The following ZNF567 variants were observed in gnomAD, a reference collection of about 807,000 sequenced individuals.
ZNF567 encodes zinc finger protein 567.
ZNF567 carries 36 observed loss-of-function variants against 53.9 expected under a neutral mutation model. The observed-to-expected ratio is 0.67, with a 90% CI of 0.51 to 0.88. ZNF567 has a LOEUF of 0.88. ZNF567 is among the 40% of genes least tolerant of loss of function. The probability of loss-of-function intolerance (pLI) is 0.00; values close to 1 mark genes in which losing one functional copy is unlikely to be tolerated. For synonymous variants in ZNF567, 224 were observed against 260.4 expected (o/e 0.86, Z 1.35); for missense variants, 619 against 764.7 (o/e 0.81, Z 2.25).
chr19:36,702,013 T>A (rs1490824030), intron 3 of ZNF567, among the ~76,000 whole-genome samples: 2 of 152,156 alleles, frequency 1.3e-5, no homozygotes, highest in African/African-American at 4.8e-5. Context: ...AGTTTCTTCC[T>A]AGTCTCGATG....
At chr19:36,667,613 C>CAAA in the ZNF567 span, among the ~76,000 whole-genome samples, 287 of 149,116 alleles carry the variant, frequency 1.9e-3, no homozygotes, top group African/African-American at 5.9e-3. Context: ...ACAACAACAA[C>CAAA]AAAAAACTGT....
At chr19:36,707,616 C>G (rs147470884) in intron 3 of ZNF567, among the ~76,000 whole-genome samples, 3 of 152,036 alleles carry the variant, frequency 2.0e-5, no homozygotes, top group South Asian at 4.1e-4. Context: ...TTACTCTTGT[C>G]GCTCAGGCTA....
At chr19:36,679,742 G>A in the ZNF567 span, among the ~76,000 whole-genome samples, 1,567 of 152,024 alleles carry the variant, frequency 0.01, 33 homozygotes, top group African/African-American at 0.035. Flanking sequence ...GACAAATACT[G>A]TATGATCTCA....
At chr19:36,701,718 G>A (rs1395574721) in intron 3 of ZNF567, among the ~76,000 whole-genome samples, 1 of 147,806 alleles carries the variant, frequency 6.8e-6, no homozygotes, top group Non-Finnish European at 1.5e-5. Flanking sequence ...TTGGTTTAAA[G>A]TCTGTTTTAT....
intron 1 of ZNF567, among the ~76,000 whole-genome samples, chr19:36,688,947 A>C (rs906414676): frequency 1.3e-5 from 2 of 152,136 alleles, no homozygotes; most frequent in African/African-American, 2.4e-5. Context: ...AAAAATATAA[A>C]AATTAGCTGG....
At chr19:36,668,682 T>C in the ZNF567 span, 2 of 152,292 alleles carry the variant, frequency 1.3e-5, no homozygotes, top group African/African-American at 4.8e-5. Flanking sequence ...TGGCACATGT[T>C]ATCTGCCAGA....
the ZNF567 span, among the ~76,000 whole-genome samples, chr19:36,673,282 G>T: frequency 1.3e-5 from 2 of 152,170 alleles, no homozygotes; most frequent in Non-Finnish European, 1.5e-5. Flanking sequence ...ATGCTTATGG[G>T]TACCAAGTCG....
Position 36,712,514 on chromosome 19 carries a change from TAAGAAA to T in ZNF567, c.136+5_136+10del. ...ACTATTGCCACCTCATCTCTGTGGG[TAAGAAA>T]AATCCTCTTTGAAACTTTAGTAGCA... On this transcript the variant is annotated splice_donor_5th_base_variant and intron_variant, in intron 4 of 5. Coordinates refer to ENST00000682579, the MANE Select transcript of ZNF567 (RefSeq NM_001322917.1). 6.2e-7 allele frequency: 1 copy of T among 1,614,092 alleles called. No individual in the cohort carries two copies.
downstream of ZNF567, among the ~76,000 whole-genome samples, chr19:36,721,749 T>TTTC (rs2040305443): frequency 7.2e-6 from 1 of 139,088 alleles, no homozygotes; most frequent in African/African-American, 2.9e-5. Context: ...TTTTTCTTTT[T>TTTC]TTTTTTTTTT....
intron 3 of ZNF567, among the ~76,000 whole-genome samples, chr19:36,704,679 A>T (rs978636096): frequency 6.6e-6 from 1 of 152,126 alleles, no homozygotes; most frequent in African/African-American, 2.4e-5. Flanking sequence ...TCTAATGTAT[A>T]GTTTTTCTGT....
chr19:36,680,755 G>GCCATTCCTTGA, the ZNF567 span, among the ~76,000 whole-genome samples: 2 of 152,156 alleles, frequency 1.3e-5, no homozygotes, highest in African/African-American at 4.8e-5. Flanking sequence ...GGTGGCTGTA[G>GCCATTCCTTGA]CCATTCCTTG....
intron 5 of ZNF567, among the ~76,000 whole-genome samples, chr19:36,718,199 T>G (rs1033697953): frequency 2.0e-5 from 3 of 152,094 alleles, no homozygotes; most frequent in African/African-American, 7.2e-5. Flanking sequence ...GGGATGTGTG[T>G]ATAAAAGTAT....
At chr19:36,723,397 G>T, downstream of ZNF567, 1 of 601,988 alleles carries the variant, frequency 1.7e-6, no homozygotes, top group East Asian at 2.8e-5. Flanking sequence ...TCATGAAATA[G>T]CCATGTACTG....
the ZNF567 span, among the ~76,000 whole-genome samples, chr19:36,681,479 G>A: frequency 2.6e-5 from 4 of 152,144 alleles, no homozygotes; most frequent in Non-Finnish European, 5.9e-5. Context: ...GCCCAGGCTG[G>A]AGTGCAGTGG....
At chr19:36,710,954 A>G (rs919905718) in intron 3 of ZNF567, among the ~76,000 whole-genome samples, 3 of 152,144 alleles carry the variant, frequency 2.0e-5, no homozygotes, top group Admixed American at 6.6e-5. Flanking sequence ...TGATCTCTCC[A>G]ACACATGCAT....
the ZNF567 span, among the ~76,000 whole-genome samples, chr19:36,682,085 G>A: frequency 3.3e-5 from 5 of 152,062 alleles, no homozygotes; most frequent in East Asian, 5.8e-4. Context: ...AGATCAGCCC[G>A]GGGAACATAG....
chr19:36,722,077 A>ATG, downstream of ZNF567, among the ~76,000 whole-genome samples: 2 of 152,156 alleles, frequency 1.3e-5, no homozygotes, highest in Middle Eastern at 6.8e-3. Context: ...TCTATAAGAA[A>ATG]TGTAAGTCTC....
upstream of ZNF567, among the ~76,000 whole-genome samples, chr19:36,684,374 A>C (rs566418063): frequency 1.3e-5 from 2 of 152,284 alleles, no homozygotes; most frequent in South Asian, 4.1e-4. Flanking sequence ...CTAATTTTAC[A>C]ATGAGAGAAA....
At chr19:36,667,640 T>C in the ZNF567 span, among the ~76,000 whole-genome samples, 16 of 149,448 alleles carry the variant, frequency 1.1e-4, no homozygotes, top group African/African-American at 3.9e-4. Flanking sequence ...TATATTTCAC[T>C]CAACTTTTTT....
Sources: allele counts gnomAD v4.1 joint callset (sites outside exome capture counted in the v4.1 genomes callset), GRCh38; gene constraint gnomAD v4.1.1; transcripts MANE v1.5; gene names NCBI Gene and HGNC (gene_info 2026-07-23, HGNC 2026-07-21).